The following HOOK2 variants were observed in gnomAD, a reference collection of about 807,000 sequenced individuals.
HOOK2 encodes hook microtubule tethering protein 2.
HOOK2 carries 108 observed loss-of-function variants against 111.9 expected under a neutral mutation model. That is an observed-to-expected ratio of 0.96 (90% confidence interval 0.83 to 1.13). The LOEUF is 1.13. HOOK2 is among the 50% of genes most tolerant of loss of function. The probability of loss-of-function intolerance (pLI) is 0.00; values close to 1 mark genes in which losing one functional copy is unlikely to be tolerated. For missense variants in HOOK2, 978 were observed against 951.3 expected (o/e 1.03, Z -0.37); for synonymous variants, 405 against 394.3 (o/e 1.03, Z -0.32).
chr19:12,767,892 C>A lies in HOOK2; in HGVS notation c.1227G>T (p.Ala409=). 1 of 1,609,946 alleles carries A rather than the reference C, an allele frequency of 6.2e-7. No homozygotes were observed. Among genetic ancestry groups the A allele is most frequent in the Non-Finnish European group, 8.5e-7 (1 of 1,179,460 alleles). The change falls in exon 13 of 23, where the codon GCG becomes GCT. Residue 409 remains alanine, a synonymous_variant. Coordinates refer to ENST00000397668, the MANE Select transcript of HOOK2 (RefSeq NM_013312.3). ...TGGCCTCCCGCAAGGAGTCCCGCTC[C>A]GCCAACAGCCGCTGCAGGGACAGGG... ...SVTKEKERLL[A]ERDSLREANE...
rs1968660489 is a variant in HOOK2, at chr19:12,786,679, G to A, written n.42-12454C>T. Among the ~76,000 whole-genome samples, 1 of 152,228 alleles carries A rather than the reference G, an allele frequency of 6.6e-6. No homozygotes were observed. Among genetic ancestry groups the A allele is most frequent in the African/African-American group, 2.4e-5 (1 of 41,466 alleles). ...TGAGGGGGTGGTGCCCAGGCCACAA[G>A]GGTGACACTGGCAGAGGCCTGGAAC... On this transcript the variant is annotated intron_variant and non_coding_transcript_variant, in intron 3 of 3. Coordinates refer to the HOOK2 transcript ENST00000589765. The surrounding 1 kb of genome is among the most constrained non-coding windows in gnomAD (Gnocchi z 4.3).
intron 18 of HOOK2, chr19:12,765,361 T>A: frequency 1.7e-6 from 1 of 588,308 alleles, no homozygotes; most frequent in East Asian, 2.9e-5. Flanking sequence ...AGCCACCATC[T>A]TCCCTTGCTA....
rs570057440 is a variant in HOOK2, at chr19:12,791,928, C to T, written n.42-17703G>A. ...CGACCCCTACCGGAGTCTCAAAGCG[C>T]CTGGGGCTCGCGGACCCGGCCCAGA... is the stretch of plus-strand genomic sequence containing the variant. On this transcript the variant is annotated intron_variant and non_coding_transcript_variant, in intron 3 of 3. Coordinates refer to the HOOK2 transcript ENST00000589765. This position sits in a 1 kb window ranked among gnomAD's most constrained non-coding sequence, Gnocchi z 7.0. 1 of 1,612,348 alleles carries T rather than the reference C, an allele frequency of 6.2e-7. No homozygotes were observed. The highest frequency in any genetic ancestry group is 2.2e-5 in the East Asian group (1 of 44,848).
chr19:12,778,111 C>T (rs958894220), upstream of HOOK2, among the ~76,000 whole-genome samples: 2 of 151,588 alleles, frequency 1.3e-5, no homozygotes, highest in Non-Finnish European at 2.9e-5. Flanking sequence ...GTAATGTGCA[C>T]TAATTAGAGG....
chr19:12,788,135 A>G (rs1335526970), intron 3 of HOOK2, among the ~76,000 whole-genome samples: 1 of 152,232 alleles, frequency 6.6e-6, no homozygotes, highest in Non-Finnish European at 1.5e-5. Context: ...GGTACTGCAT[A>G]CATGCTTCTC....
In HOOK2 at chr19:12,767,155, G is replaced by A. The variant is rs567991830; in HGVS notation, c.1373+240C>T. The stretch of plus-strand genomic sequence containing the variant: ...GGCTAGGGCATAGGATTTTTGTGCA[G>A]GAACTGGAGCCAGGTGTTGGACATA... On this transcript the variant is annotated intron_variant, in intron 14 of 22. Coordinates refer to ENST00000397668, the MANE Select transcript of HOOK2 (RefSeq NM_013312.3). 5.3e-5 allele frequency among the ~76,000 whole-genome samples: 8 copies of A among 152,316 alleles called. No homozygotes were observed. In the South Asian group the frequency reaches 1.7e-3, roughly 32 times the overall value.
At chr19:12,764,756 A>T in intron 20 of HOOK2, 58 bp downstream of exon 20, 1 of 1,450,476 alleles carries the variant, frequency 6.9e-7, no homozygotes, top group Non-Finnish European at 9.6e-7. Flanking sequence ...ACTCAATAGG[A>T]GGCACAAAAA....
In HOOK2 at chr19:12,772,474, G is replaced by A; in HGVS notation, c.456+139C>T. ...AGCTGGGAGGAGCTGGCAGACACAT[G>A]AGACAGAGATGTCTGGCCAGCTGAG... is the stretch of plus-strand genomic sequence containing the variant. On this transcript the variant is annotated intron_variant, in intron 6 of 22. Transcript: ENST00000397668. The A allele has an allele frequency of 7.7e-6, 8 of 1,038,084 alleles. No homozygotes were observed. In the South Asian group the frequency reaches 1.0e-4, roughly 13 times the overall value. The allele number at this position is 1,038,084 out of a possible 1,614,324, so 64.3% of individuals were successfully genotyped here.
Position 12,772,664 on chromosome 19 carries a change from G to C in HOOK2, c.405C>G (p.Ile135Met). The change falls in exon 6 of 23, where the codon ATC becomes ATG. Residue 135 changes from isoleucine (I) to methionine (M), a missense_variant. Coordinates refer to ENST00000397668, the MANE Select transcript of HOOK2 (RefSeq NM_013312.3). The part of the protein sequence containing the change: ...CEKKQDHIQR[I>M]MTLEESVQHV... ...GCTGAACCGATTCTTCCAGCGTCAT[G>C]ATTCTCTGGATGTGGTCTGGGGATC... is the stretch of plus-strand genomic sequence containing the variant. The C allele has an allele frequency of 6.2e-7, 1 of 1,614,240 alleles. No homozygotes were observed. Among genetic ancestry groups the C allele is most frequent in the Non-Finnish European group, 8.5e-7 (1 of 1,180,038 alleles).
upstream of HOOK2, among the ~76,000 whole-genome samples, chr19:12,780,598 C>G (rs1195094479): frequency 6.9e-6 from 1 of 145,818 alleles, no homozygotes; most frequent in African/African-American, 2.5e-5. Context: ...CCTCATGATC[C>G]GCCCACCTCG....
upstream of HOOK2, among the ~76,000 whole-genome samples, chr19:12,779,331 A>G (rs1258888196): frequency 6.6e-6 from 1 of 152,068 alleles, no homozygotes; most frequent in African/African-American, 2.4e-5. Flanking sequence ...CCTCAGTCCC[A>G]CAACTGGAGA....
Position 12,763,068 on chromosome 19 carries a change from C to T in HOOK2, c.*214G>A, listed in dbSNP as rs1429557623. 2 of 577,230 alleles carry T rather than the reference C, an allele frequency of 3.5e-6. No homozygotes were observed. The highest frequency in any genetic ancestry group is 6.0e-6 in the Non-Finnish European group (2 of 331,352). 35.8% of individuals were successfully genotyped at this position (577,230 alleles called of 1,614,324 possible). On this transcript the variant is annotated 3_prime_UTR_variant, in exon 23 of 23. Coordinates refer to ENST00000397668, the MANE Select transcript of HOOK2 (RefSeq NM_013312.3). ...AGTCTCCTGAGGCAGCACATGAACT[C>T]CAGAGAGAGAATCAACAACAAGAAT...
chr19:12,778,222 C>T (rs1404778155), upstream of HOOK2: 1 of 152,270 alleles, frequency 6.6e-6, no homozygotes, highest in Non-Finnish European at 1.5e-5. Context: ...GATCCTGGCG[C>T]CAGAGACCTT....
upstream of HOOK2, among the ~76,000 whole-genome samples, chr19:12,782,362 C>T (rs924648284): frequency 1.1e-4 from 16 of 152,228 alleles, no homozygotes; most frequent in African/African-American, 3.6e-4. Flanking sequence ...GTGTATCCTG[C>T]GTCCGTGTGA....
rs769909154 is a variant in HOOK2, at chr19:12,765,927, A to C, written c.1599T>G (p.Asp533Glu). The C allele has an allele frequency of 7.4e-6, 12 of 1,613,830 alleles. No individual in the cohort carries two copies. In the African/African-American group the frequency reaches 1.5e-4, roughly 20 times the overall value. ...CTGGGAGGTGGTGGGTGACACTCAC[A>C]TCTTCAGTCTTGCCCCCCTGCTCCT... ...ALQEQGGKTE[D>E]AISILLKRKL... The change falls in exon 16 of 23, where the codon GAT becomes GAG. Residue 533 changes from aspartate (D) to glutamate (E), a missense_variant and splice_region_variant. Around this residue, in one of 5 missense-constraint regions of HOOK2, gnomAD observed 277 missense variants for 265.8 expected, o/e 1.04. Coordinates refer to ENST00000397668, the MANE Select transcript of HOOK2 (RefSeq NM_013312.3).
chr19:12,765,535 G>A (rs1568360396), intron 18 of HOOK2, 155 bp downstream of exon 18: 1 of 1,019,584 alleles, frequency 9.8e-7, no homozygotes, highest in Non-Finnish European at 1.5e-6. Context: ...ATCATCTGGG[G>A]TCAGGAGTCC....
chr19:12,775,768 TG>T (rs1968489360), upstream of HOOK2: 1 of 290,712 alleles, frequency 3.4e-6, no homozygotes, highest in African/African-American at 2.2e-5. Flanking sequence ...ATCCTCGCCC[TG>T]GCCCTTTTTG....
At chr19:12,767,252 TA>T in intron 14 of HOOK2, 142 bp downstream of exon 14, 3 of 658,308 alleles carry the variant, frequency 4.6e-6, no homozygotes, top group Non-Finnish European at 8.1e-6. Context: ...AAATCAGGAG[TA>T]AGTGGGCCTA....
intron 3 of HOOK2, chr19:12,774,335 G>A: frequency 2.7e-6 from 1 of 371,138 alleles, no homozygotes; most frequent in African/African-American, 2.0e-5. Context: ...TGAACTCCTG[G>A]CCCCAGGTGA....
Sources: allele counts gnomAD v4.1 joint callset (sites outside exome capture counted in the v4.1 genomes callset), GRCh38; gene constraint gnomAD v4.1.1; regional missense constraint gnomAD v4.1.1; non-coding constraint Gnocchi (gnomAD v3.1); transcripts MANE v1.5; gene names NCBI Gene and HGNC (gene_info 2026-07-23, HGNC 2026-07-21).